The following PDLIM5 variants were observed in gnomAD, a reference collection of about 807,000 sequenced individuals.
PDLIM5 encodes PDZ and LIM domain protein 5.
PDLIM5 carries 34 observed loss-of-function variants against 64.2 expected under a neutral mutation model. The observed-to-expected ratio is 0.53, with a 90% CI of 0.40 to 0.71. PDLIM5 has a LOEUF of 0.71. Among genes scored for constraint, PDLIM5 ranks in the 30% least tolerant of loss-of-function variants. PDLIM5 has a pLI of 0.00. For synonymous variants in PDLIM5, 253 were observed against 269.1 expected (o/e 0.94, Z 0.59); for missense variants, 683 against 733.6 (o/e 0.93, Z 0.80).
intron 3 of PDLIM5, among the ~76,000 whole-genome samples, chr4:94,564,818 G>T (rs1239408337): frequency 1.3e-5 from 2 of 151,886 alleles, no homozygotes; most frequent in Non-Finnish European, 2.9e-5. Flanking sequence ...ACCACGCCCA[G>T]CTAATTTTTT....
chr4:94,661,124 T>G (rs1337665709), intron 11 of PDLIM5, among the ~76,000 whole-genome samples: 1 of 152,066 alleles, frequency 6.6e-6, no homozygotes, highest in Non-Finnish European at 1.5e-5. Flanking sequence ...CCAGGCACAG[T>G]GACTCAGTGC....
At chr4:94,574,604 A>G (rs1240892848) in intron 4 of PDLIM5, among the ~76,000 whole-genome samples, 1 of 151,518 alleles carries the variant, frequency 6.6e-6, no homozygotes, top group Admixed American at 6.6e-5. Flanking sequence ...TTTTCTTTTG[A>G]TATGGTAGGG....
At chr4:94,486,087 A>G (rs1726311063) in intron 2 of PDLIM5, among the ~76,000 whole-genome samples, 1 of 152,086 alleles carries the variant, frequency 6.6e-6, no homozygotes, top group Non-Finnish European at 1.5e-5. Context: ...TGCCACCAGG[A>G]TATTAGTTAA....
At chr4:94,581,784 T>G (rs1013020798) in intron 5 of PDLIM5, among the ~76,000 whole-genome samples, 1 of 152,222 alleles carries the variant, frequency 6.6e-6, no homozygotes, top group Non-Finnish European at 1.5e-5. Flanking sequence ...GTCTTTTCTA[T>G]CCCTACTGTA....
At chr4:94,543,914 T>C (rs1374594075) in intron 3 of PDLIM5, among the ~76,000 whole-genome samples, 1 of 152,104 alleles carries the variant, frequency 6.6e-6, no homozygotes, top group Non-Finnish European at 1.5e-5. Context: ...TTCAGTATGC[T>C]GACTTCATTT....
At position 94,467,436 on chromosome 4, in the gene PDLIM5, C is replaced by T. The variant is rs181231618; in HGVS notation, c.96+12052C>T. 3.3e-3 allele frequency among the ~76,000 whole-genome samples: 500 copies of T among 151,954 alleles called. 2 individuals are homozygous for T. The highest frequency in any genetic ancestry group is 4.6e-3 in the Non-Finnish European group (312 of 67,990). ...TTCAAGCAATTCTGTGCCTCAGCCT[C>T]CTGAGTAGCTGGGATTACAGGCACC... On this transcript the variant is annotated intron_variant, in intron 2 of 12. Transcript: ENST00000317968.
chr4:94,654,395 C>A, intron 9 of PDLIM5, 65 bp from the exon 10 acceptor site: 1 of 1,024,672 alleles, frequency 9.8e-7, no homozygotes, highest in South Asian at 1.3e-5. Flanking sequence ...TAAAAGAGGT[C>A]CATATCCAGG....
At chr4:94,504,686 A>G (rs1414219410) in intron 2 of PDLIM5, among the ~76,000 whole-genome samples, 1 of 152,192 alleles carries the variant, frequency 6.6e-6, no homozygotes, top group African/African-American at 2.4e-5. Context: ...TGTTAAATAC[A>G]TAATCTGTTT....
At position 94,543,652 on chromosome 4, in the gene PDLIM5, C is replaced by T. The variant is rs893642796; in HGVS notation, c.248+19777C>T. Reference sequence around the variant, plus strand: ...CTATGAGTTCAACTTTGTTAGATTCCACATAGGAGATCATGCGGTATTTGT... The same window carrying T: ...CTATGAGTTCAACTTTGTTAGATTCTACATAGGAGATCATGCGGTATTTGT... On this transcript the variant is annotated intron_variant, in intron 3 of 12. Coordinates refer to ENST00000317968, the MANE Select transcript of PDLIM5 (RefSeq NM_006457.5). Among the ~76,000 whole-genome samples the T allele has an allele frequency of 3.3e-5, 5 of 152,024 alleles. No individual in the cohort carries two copies. In the South Asian group the frequency reaches 1.0e-3, roughly 31 times the overall value.
chr4:94,531,778 A>G (rs1022697796), intron 3 of PDLIM5, among the ~76,000 whole-genome samples: 1 of 152,174 alleles, frequency 6.6e-6, no homozygotes, highest in African/African-American at 2.4e-5. Context: ...TAGATGCATA[A>G]TAGGGGTCAC....
At chr4:94,574,225 C>A (rs562769110) in intron 4 of PDLIM5, among the ~76,000 whole-genome samples, 1 of 152,064 alleles carries the variant, frequency 6.6e-6, no homozygotes, top group African/African-American at 2.4e-5. Flanking sequence ...AGGCTGCGCG[C>A]GGTGGGTCAC....
intron 3 of PDLIM5, among the ~76,000 whole-genome samples, chr4:94,531,558 A>T (rs1380403487): frequency 3.3e-5 from 5 of 152,142 alleles, no homozygotes; most frequent in Admixed American, 6.5e-5. Context: ...ATGTTTTAAG[A>T]AAGTTTACAA....
At chr4:94,580,416 T>A (rs995907528) in intron 5 of PDLIM5, among the ~76,000 whole-genome samples, 1 of 152,118 alleles carries the variant, frequency 6.6e-6, no homozygotes, top group African/African-American at 2.4e-5. Flanking sequence ...CAGTTTTATG[T>A]TTTTTATATA....
intron 2 of PDLIM5, among the ~76,000 whole-genome samples, chr4:94,519,214 G>A (rs538264151): frequency 3.9e-5 from 6 of 152,278 alleles, no homozygotes; most frequent in African/African-American, 1.4e-4. Flanking sequence ...AGGTCTGACC[G>A]GTCAGTTTGA....
intron 9 of PDLIM5, among the ~76,000 whole-genome samples, chr4:94,653,220 T>C (rs999336332): frequency 6.6e-6 from 1 of 152,100 alleles, no homozygotes; most frequent in African/African-American, 2.4e-5. Flanking sequence ...TGGCCTTGGC[T>C]GGGTCAGTGA....
At chr4:94,456,408 G>C in intron 2 of PDLIM5, 1 of 682,934 alleles carries the variant, frequency 1.5e-6, no homozygotes. Context: ...ATGTTGGTCA[G>C]GCTGGTCTTG....
At chr4:94,658,408 T>C (rs1742388170) in intron 11 of PDLIM5, among the ~76,000 whole-genome samples, 1 of 152,244 alleles carries the variant, frequency 6.6e-6, no homozygotes, top group Admixed American at 6.5e-5. Flanking sequence ...CTTCCCAAAG[T>C]CTGTAAGTGA....
At chr4:94,503,546 A>T (rs1034124055) in intron 2 of PDLIM5, among the ~76,000 whole-genome samples, 8 of 152,184 alleles carry the variant, frequency 5.3e-5, no homozygotes, top group Non-Finnish European at 1.2e-4. Context: ...TGTCCAGTTC[A>T]TGTGTGAATT....
intron 8 of PDLIM5, among the ~76,000 whole-genome samples, chr4:94,633,913 C>T (rs1202649606): frequency 3.9e-5 from 6 of 152,068 alleles, no homozygotes; most frequent in East Asian, 3.9e-4. Flanking sequence ...GGGAGCAAGC[C>T]GTGTGAACAA....
Sources: allele counts gnomAD v4.1 joint callset (sites outside exome capture counted in the v4.1 genomes callset), GRCh38; gene constraint gnomAD v4.1.1; transcripts MANE v1.5; gene names NCBI Gene and HGNC (gene_info 2026-07-23, HGNC 2026-07-21).